The following PCNT variants were observed in gnomAD, a reference collection of about 807,000 sequenced individuals.
The protein encoded by PCNT is pericentrin, also known as kendrin.
Under a neutral mutation model 380.4 loss-of-function variants are expected in PCNT, and 319 were observed. The ratio of observed to expected loss-of-function variants is 0.84; its 90% CI spans 0.77 to 0.92. The LOEUF is 0.92. Among genes scored for constraint, PCNT ranks in the 40% least tolerant of loss-of-function variants. PCNT has a pLI of 0.00. For missense variants in PCNT, 4,400 were observed against 4,255.3 expected (o/e 1.03, Z -0.95); for synonymous variants, 1,845 against 1,735.2 (o/e 1.06, Z -1.57).
chr21:46,405,263 A>T (rs573154965), intron 27 of PCNT, among the ~76,000 whole-genome samples: 1 of 152,368 alleles, frequency 6.6e-6, no homozygotes, highest in Admixed American at 6.5e-5. Context: ...GGACCATAGA[A>T]GTAAGGAGAA....
At chr21:46,325,608 C>T (rs976777642) in intron 1 of PCNT, among the ~76,000 whole-genome samples, 2 of 152,166 alleles carry the variant, frequency 1.3e-5, no homozygotes, top group African/African-American at 4.8e-5. Context: ...CTTGTGTTAT[C>T]ATTTACACAA....
rs1053077727 is a variant in PCNT at position 46,441,040 on chromosome 21, C to G, written c.9579C>G (p.Phe3193Leu). Reference protein sequence around the residue: ...KAERKITSRPFTRFRTAVRVV... With the variant: ...KAERKITSRPLTRFRTAVRVV... ...AACGGAAAATCACATCTCGTCCTTT[C>G]ACCAGGTTCCGCACGGCCGTCAGGG... Residue 3193 changes from phenylalanine to leucine, a missense_variant, in exon 43 of 47, where the codon TTC (phenylalanine) becomes TTG (leucine). Phe to Leu is a conservative substitution (Grantham distance 22). Coordinates refer to ENST00000359568, the MANE Select transcript of PCNT (RefSeq NM_006031.6). 6.2e-7 allele frequency: 1 copy of G among 1,614,098 alleles called. No homozygotes were observed. Among genetic ancestry groups the G allele is most frequent in the African/African-American group, 1.3e-5 (1 of 75,048 alleles).
In PCNT at chr21:46,346,902, C is replaced by G; in HGVS notation, c.880C>G (p.Leu294Val). The G allele has an allele frequency of 6.2e-7, 1 of 1,604,794 alleles. No individual in the cohort carries two copies. The highest frequency in any genetic ancestry group is 8.5e-7 in the Non-Finnish European group (1 of 1,176,718). Residue 294 changes from leucine (L) to valine (V), a missense_variant, in exon 5 of 47, where the codon CTG becomes GTG. Transcript: ENST00000359568. ...LNSRRAQELA[L>V]LQSRQQHELE... ...CAGCCGGCGTGCCCAGGAGCTGGCC[C>G]TGCTACAGAGCAGGCAGCAGCACGA...
intron 37 of PCNT, 167 bp downstream of exon 37, chr21:46,430,824 T>G (rs2087726870): frequency 1.0e-6 from 1 of 985,304 alleles, no homozygotes; most frequent in South Asian, 4.7e-5. Flanking sequence ...AATTGCACCT[T>G]GGTGTAGTGG....
intron 40 of PCNT, among the ~76,000 whole-genome samples, chr21:46,437,457 T>C (rs1020856519): frequency 6.6e-6 from 1 of 152,232 alleles, no homozygotes; most frequent in Non-Finnish European, 1.5e-5. Context: ...CAGGAGGGGC[T>C]ATGGTTCTGC....
intron 32 of PCNT, among the ~76,000 whole-genome samples, chr21:46,423,478 C>T (rs891438912): frequency 6.6e-6 from 1 of 151,894 alleles, no homozygotes; most frequent in African/African-American, 2.4e-5. Context: ...GTGTGAGCCA[C>T]AGCGCCTGGC....
chr21:46,408,129 G>T (rs1173290644), intron 27 of PCNT, among the ~76,000 whole-genome samples: 1 of 152,090 alleles, frequency 6.6e-6, no homozygotes. Context: ...TTTTCTTTGT[G>T]CTGTTTCTTT....
At chr21:46,334,293 A>T in intron 2 of PCNT, 104 bp from the exon 3 acceptor site, 1 of 1,515,804 alleles carries the variant, frequency 6.6e-7, no homozygotes, top group Non-Finnish European at 9.1e-7. Context: ...TCTACTTGTT[A>T]AATGAAGTCA....
At chr21:46,371,845 C>G (rs1245331734) in intron 15 of PCNT, among the ~76,000 whole-genome samples, 1 of 151,254 alleles carries the variant, frequency 6.6e-6, no homozygotes, top group Non-Finnish European at 1.5e-5. Context: ...GCACATACAG[C>G]ACATGTGCAC....
intron 29 of PCNT, among the ~76,000 whole-genome samples, chr21:46,413,320 CA>C (rs1375001531): frequency 1.3e-4 from 12 of 93,138 alleles, no homozygotes; most frequent in Admixed American, 1.9e-4. Flanking sequence ...GCACGAGGCC[CA>C]CCCGGGAGAG....
chr21:46,391,040 T>C, intron 20 of PCNT, 124 bp from the exon 21 acceptor site: 2 of 1,144,136 alleles, frequency 1.7e-6, no homozygotes, highest in Non-Finnish European at 2.6e-6. Flanking sequence ...ACCTGGGTCC[T>C]GGAAGCTGCT....
chr21:46,421,033 A>G (rs769542699), intron 31 of PCNT: 3 of 152,252 alleles, frequency 2.0e-5, no homozygotes, highest in Non-Finnish European at 4.4e-5. Context: ...TGAGGCCTTC[A>G]TGCTGCTCTC....
rs369844083 is a variant in PCNT at position 46,431,520 on chromosome 21, G to T, written c.8065-9G>T. ...TCAGTGTCTCCCATCGTATGTGTTTGCTGTCTAGGAGCTGCGGGCGTCTTT... is the reference window on the plus strand; with the variant it reads ...TCAGTGTCTCCCATCGTATGTGTTTTCTGTCTAGGAGCTGCGGGCGTCTTT... On this transcript the variant is annotated splice_polypyrimidine_tract_variant and intron_variant, in intron 37 of 46. Transcript: ENST00000359568. The T allele has an allele frequency of 6.2e-7, 1 of 1,613,984 alleles. No homozygotes were observed.
chr21:46,390,047 G>A (rs1263865063), intron 19 of PCNT, among the ~76,000 whole-genome samples: 1 of 152,276 alleles, frequency 6.6e-6, no homozygotes, highest in Non-Finnish European at 1.5e-5. Context: ...GTACGGGAGT[G>A]TGAGCAACCC....
At chr21:46,428,994 G>T (rs71326328) in intron 35 of PCNT, among the ~76,000 whole-genome samples, 1 of 152,180 alleles carries the variant, frequency 6.6e-6, no homozygotes, top group African/African-American at 2.4e-5. Flanking sequence ...GTTCTCTCAC[G>T]TGCTGTGCCG....
At chr21:46,433,339 C>T (rs1019677927) in intron 38 of PCNT, among the ~76,000 whole-genome samples, 2 of 152,230 alleles carry the variant, frequency 1.3e-5, no homozygotes, top group Non-Finnish European at 2.9e-5. Flanking sequence ...GCCGGGATTG[C>T]ACCGCTGCAC....
In PCNT at chr21:46,445,161, A is replaced by G. The variant is rs1911921578; in HGVS notation, c.9968-123A>G. The G allele has an allele frequency of 1.2e-5, 9 of 778,064 alleles. No individual in the cohort carries two copies. The Admixed American group carries it at 1.6e-4, about 14-fold the overall frequency. 48.2% of individuals were successfully genotyped at this position (778,064 alleles called of 1,614,324 possible). A position where few individuals can be genotyped will look rare whatever the true frequency, so the allele number is the denominator to read the frequency against. On this transcript the variant is annotated intron_variant, in intron 46 of 46. Transcript: ENST00000359568. ...AATATCATAATTTAAACCACTGTAT[A>G]ATTCATATTTTTACCAAAATTTACA...
chr21:46,436,337 C>G (rs998952361), intron 39 of PCNT, among the ~76,000 whole-genome samples, 189 bp downstream of exon 39: 2 of 152,238 alleles, frequency 1.3e-5, no homozygotes, highest in Non-Finnish European at 1.5e-5. Context: ...ATTCTAATGT[C>G]AGAGAAAAAA....
At chr21:46,338,204 T>A (rs1161227814) in intron 3 of PCNT, among the ~76,000 whole-genome samples, 1 of 152,108 alleles carries the variant, frequency 6.6e-6, no homozygotes, top group Non-Finnish European at 1.5e-5. Context: ...CTAAGTTCAT[T>A]CTTTGTGATG....
Sources: allele counts gnomAD v4.1 joint callset (sites outside exome capture counted in the v4.1 genomes callset), GRCh38; gene constraint gnomAD v4.1.1; transcripts MANE v1.5; gene names NCBI Gene and HGNC (gene_info 2026-07-23, HGNC 2026-07-21).